The following MYH15 variants were observed in gnomAD, a reference collection of about 807,000 sequenced individuals.
MYH15 encodes myosin-15.
In MYH15, 227 loss-of-function variants were observed where a neutral mutation model predicts 240.5. That is an observed-to-expected ratio of 0.94 (90% CI 0.85 to 1.05). The LOEUF (loss-of-function observed/expected upper bound fraction) is 1.05, where lower values mean the gene tolerates loss of function less well. Ranked by LOEUF, MYH15 falls within the 50% of genes least tolerant of loss-of-function variation. MYH15 has a pLI of 0.00. For missense variants in MYH15, 2,217 were observed against 2,247.5 expected (o/e 0.99, Z 0.27); for synonymous variants, 785 against 796.7 (o/e 0.99, Z 0.25).
Position 108,383,632 on chromosome 3 carries a change from T to C in MYH15, c.5729A>G (p.Asn1910Ser), listed in dbSNP as rs199682590. The C allele has an allele frequency of 1.3e-4, 215 of 1,613,356 alleles. No homozygotes were observed. The highest frequency in any genetic ancestry group is 1.6e-4 in the Non-Finnish European group (186 of 1,179,714). Residue 1910 changes from asparagine (N) to serine (S), a missense_variant, in exon 40 of 41, where the codon AAT becomes AGT. Transcript: ENST00000693548. ...ERAEVAESQV[N>S]KLKIKAREFG... ...CTCTCTTGCTTTAATTTTGAGTTTA[T>C]TGACTTGAGATTCTGCCACCTCTGC...
chr3:108,463,999 TA>T (rs2083093071), intron 15 of MYH15, among the ~76,000 whole-genome samples: 1 of 152,146 alleles, frequency 6.6e-6, no homozygotes, highest in Non-Finnish European at 1.5e-5. Context: ...TTTTACTGTA[TA>T]TATCATTATA....
intron 2 of MYH15, among the ~76,000 whole-genome samples, chr3:108,504,586 T>C (rs924419087): frequency 1.3e-5 from 2 of 152,184 alleles, no homozygotes; most frequent in Non-Finnish European, 2.9e-5. Flanking sequence ...ATGTGGCTTG[T>C]TATGGATTTG....
chr3:108,409,726 C>G (rs1345467906), intron 31 of MYH15, among the ~76,000 whole-genome samples: 1 of 152,164 alleles, frequency 6.6e-6, no homozygotes. Context: ...GGCAGTAAAT[C>G]AAAATTTAAA....
At position 108,416,879 on chromosome 3, in the gene MYH15, G is replaced by A; in HGVS notation, c.3881C>T (p.Ser1294Phe). The A allele has an allele frequency of 6.2e-7, 1 of 1,613,996 alleles. No homozygotes were observed. ...EEKEALINQL[S>F]REKSNFTRQI... is the part of the protein sequence containing the mutation. ...CCGAGTGAAGTTGCTCTTTTCCCTG[G>A]AAAGTTGGTTTATCAGAGCCTCCTT... Residue 1294 changes from serine (S) to phenylalanine (F), a missense_variant, in exon 29 of 41, where the codon TCC becomes TTC. Transcript: ENST00000693548.
At chr3:108,481,178 T>G (rs116034397) in intron 11 of MYH15, among the ~76,000 whole-genome samples, 1 of 152,208 alleles carries the variant, frequency 6.6e-6, no homozygotes, top group Admixed American at 6.5e-5. Flanking sequence ...AAAAAAATAC[T>G]AGGCTGAAAC....
chr3:108,499,120 C>T (rs747211266), intron 5 of MYH15, among the ~76,000 whole-genome samples: 35 of 152,178 alleles, frequency 2.3e-4, no homozygotes, highest in Non-Finnish European at 5.0e-4. Flanking sequence ...TTCAGCCCCT[C>T]TGCTTAGCCA....
intron 1 of MYH15, among the ~76,000 whole-genome samples, chr3:108,523,938 G>A (rs2083644337): frequency 6.6e-6 from 1 of 151,896 alleles, no homozygotes; most frequent in South Asian, 2.1e-4. Context: ...CATACCATAT[G>A]TATCATAATT....
At chr3:108,550,668 A>C in the MYH15 span, 1 of 151,844 alleles carries the variant, frequency 6.6e-6, no homozygotes, top group South Asian at 2.1e-4. Flanking sequence ...GCTTCTTCAG[A>C]GACAAACTTC....
chr3:108,412,307 G>A (rs774848394), intron 30 of MYH15, among the ~76,000 whole-genome samples: 1 of 152,176 alleles, frequency 6.6e-6, no homozygotes, highest in Non-Finnish European at 1.5e-5. Context: ...GGTTTTATAA[G>A]GGGCTTTCCC....
At position 108,473,272 on chromosome 3, in the gene MYH15, G is replaced by A. The variant is rs111864610; in HGVS notation, c.1234-2425C>T. Among the ~76,000 whole-genome samples the A allele has an allele frequency of 4.2e-3, 643 of 152,336 alleles. 7 individuals are homozygous for A. The highest frequency in any genetic ancestry group is 0.015 in the African/African-American group (604 of 41,578). On this transcript the variant is annotated intron_variant, in intron 12 of 40. Coordinates refer to ENST00000693548, the MANE Select transcript of MYH15 (RefSeq NM_014981.3). The stretch of plus-strand genomic sequence containing the variant: ...GATCCACCCGCCTCGGCCTCCCAAA[G>A]TGCTGGAATTATGGGCGTGAGCCAC...
intron 1 of MYH15, among the ~76,000 whole-genome samples, chr3:108,508,238 T>TA (rs2083493531): frequency 6.6e-6 from 1 of 152,172 alleles, no homozygotes; most frequent in Non-Finnish European, 1.5e-5. Flanking sequence ...GTCTCTCTCT[T>TA]ACCACCCCTG....
the MYH15 span, among the ~76,000 whole-genome samples, chr3:108,543,036 A>G: frequency 6.6e-6 from 1 of 152,044 alleles, no homozygotes; most frequent in Non-Finnish European, 1.5e-5. Context: ...AAACACCATC[A>G]TGTCCGGCTA....
chr3:108,536,983 C>T, the MYH15 span, among the ~76,000 whole-genome samples: 1 of 152,160 alleles, frequency 6.6e-6, no homozygotes, highest in African/African-American at 2.4e-5. Context: ...ACTTCTCCCA[C>T]GTGGCAAATA....
intron 11 of MYH15, among the ~76,000 whole-genome samples, chr3:108,479,244 C>T: frequency 6.6e-6 from 1 of 152,184 alleles, no homozygotes. Flanking sequence ...CCATAAGCAT[C>T]AGTTCCTTCA....
chr3:108,423,396 C>G (rs1251852045), intron 27 of MYH15, among the ~76,000 whole-genome samples: 1 of 152,184 alleles, frequency 6.6e-6, no homozygotes, highest in Middle Eastern at 3.2e-3. Context: ...TTGGTAGAAA[C>G]AGACTTAACA....
intron 1 of MYH15, among the ~76,000 whole-genome samples, chr3:108,526,616 A>G (rs2083673836): frequency 6.6e-6 from 1 of 152,192 alleles, no homozygotes; most frequent in Admixed American, 6.6e-5. Flanking sequence ...AATTGCATTC[A>G]GATGTTTTCC....
chr3:108,384,095 G>A (rs1195290875), intron 39 of MYH15, among the ~76,000 whole-genome samples: 1 of 151,926 alleles, frequency 6.6e-6, no homozygotes, highest in Non-Finnish European at 1.5e-5. Context: ...AAATTATATG[G>A]GTCAACAGGT....
chr3:108,505,685 A>G, intron 2 of MYH15, 38 bp downstream of exon 2: 1 of 1,190,208 alleles, frequency 8.4e-7, no homozygotes, highest in African/African-American at 1.5e-5. Context: ...TTGATAGAGA[A>G]CATAGTCATC....
At chr3:108,486,766 T>C (rs993069711) in intron 9 of MYH15, among the ~76,000 whole-genome samples, 1 of 152,102 alleles carries the variant, frequency 6.6e-6, no homozygotes, top group East Asian at 1.9e-4. Context: ...GCGGATTCAA[T>C]TGCAGCAGTT....
Sources: allele counts gnomAD v4.1 joint callset (sites outside exome capture counted in the v4.1 genomes callset), GRCh38; gene constraint gnomAD v4.1.1; transcripts MANE v1.5; gene names NCBI Gene and HGNC (gene_info 2026-07-23, HGNC 2026-07-21).